Variants in KYNU observed in about 807,000 individuals in gnomAD.
KYNU encodes L-kynurenine hydrolase.
Under a neutral mutation model 59.2 loss-of-function variants are expected in KYNU, and 54 were observed. That is an observed-to-expected ratio of 0.91 (90% CI 0.73 to 1.14). The LOEUF is 1.14. Ranked by LOEUF, KYNU falls within the 50% of genes most tolerant of loss-of-function variation. The pLI is 0.00. For missense variants in KYNU, 567 were observed against 554.4 expected (o/e 1.02, Z -0.23); for synonymous variants, 177 against 192.0 (o/e 0.92, Z 0.65).
At chr2:143,026,689 C>T (rs924641765) in intron 10 of KYNU, among the ~76,000 whole-genome samples, 1 of 152,214 alleles carries the variant, frequency 6.6e-6, no homozygotes, top group Non-Finnish European at 1.5e-5. Flanking sequence ...GGGGTGCCTG[C>T]GACTCTCAGA....
chr2:142,960,534 A>G, intron 7 of KYNU, 90 bp from the exon 8 acceptor site: 1 of 1,253,142 alleles, frequency 8.0e-7, no homozygotes, highest in East Asian at 2.4e-5. Context: ...TTATAATGCA[A>G]AAGGGCTCAC....
intron 2 of KYNU, among the ~76,000 whole-genome samples, chr2:142,892,200 G>A (rs866792061): frequency 1.3e-5 from 2 of 152,220 alleles, no homozygotes; most frequent in African/African-American, 4.8e-5. Context: ...GGCGTCAGCC[G>A]CCATGCCTGG....
rs869099302 is a variant in KYNU, at chr2:142,881,916, C to CTT, written c.-19-3415_-19-3414dup. Among the ~76,000 whole-genome samples, 688 of 113,152 alleles carry CTT rather than the reference C, an allele frequency of 6.1e-3. 7 individuals are homozygous for CTT. The highest frequency in any genetic ancestry group is 0.022 in the African/African-American group (638 of 29,468). 74.2% of individuals were successfully genotyped at this position (113,152 alleles called of 152,430 possible). On this transcript the variant is annotated intron_variant, in intron 1 of 13. Coordinates refer to ENST00000264170, the MANE Select transcript of KYNU (RefSeq NM_003937.3). ...ACACCTGGCTTTTCTTTTCTTTTTT[C>CTT]TTTTTTTTTTTTTTTTTTTGTAGAG...
chr2:143,001,101 C>G (rs768559559), intron 10 of KYNU, among the ~76,000 whole-genome samples: 43 of 152,050 alleles, frequency 2.8e-4, no homozygotes, highest in Non-Finnish European at 7.4e-5. Flanking sequence ...TCTCTTCATT[C>G]TTTCTATCTC....
chr2:142,940,399 CA>C (rs1683559086), intron 4 of KYNU, among the ~76,000 whole-genome samples: 1 of 152,128 alleles, frequency 6.6e-6, no homozygotes, highest in Admixed American at 6.5e-5. Context: ...TGATATTATT[CA>C]GTGAGATTTA....
intron 2 of KYNU, among the ~76,000 whole-genome samples, chr2:142,907,730 C>A (rs981101367): frequency 6.6e-6 from 1 of 152,160 alleles, no homozygotes; most frequent in Non-Finnish European, 1.5e-5. Flanking sequence ...TATTTCTTTA[C>A]CTCCTTCTTT....
At chr2:142,956,798 T>G (rs1228190854) in intron 6 of KYNU, among the ~76,000 whole-genome samples, 1 of 152,106 alleles carries the variant, frequency 6.6e-6, no homozygotes, top group African/African-American at 2.4e-5. Flanking sequence ...ATGAGTTGTT[T>G]ATTCTTACTT....
At chr2:142,997,482 G>A (rs352873) in intron 10 of KYNU, among the ~76,000 whole-genome samples, 26,859 of 152,022 alleles carry the variant, frequency 0.18, 3,039 homozygotes, top group African/African-American at 0.31. Context: ...TAAAGCCAAG[G>A]AAACAGTAAG....
At chr2:142,974,151 G>C (rs555590991) in intron 8 of KYNU, among the ~76,000 whole-genome samples, 1 of 152,318 alleles carries the variant, frequency 6.6e-6, no homozygotes, top group African/African-American at 2.4e-5. Flanking sequence ...CCAAGGATAA[G>C]TACATGCCCA....
Position 142,956,254 on chromosome 2 carries a change from A to G in KYNU, c.487A>G (p.Lys163Glu), listed in dbSNP as rs1684161522. 6.2e-7 allele frequency: 1 copy of G among 1,602,604 alleles called. No individual in the cohort carries two copies. The highest frequency in any genetic ancestry group is 8.5e-7 in the Non-Finnish European group (1 of 1,170,136). Residue 163 changes from lysine (K) to glutamate (E), a missense_variant, in exon 6 of 14, where the codon AAA becomes GAA. Transcript: ENST00000264170. ...ACGATATAAAATTCTTCTAGAAGCC[A>G]AAGCCTTCCCTTCTGATCATGTAAG... Reference protein sequence around the residue: ...PKRYKILLEAKAFPSDHYAIE... With the variant: ...PKRYKILLEAEAFPSDHYAIE...
chr2:142,956,061 G>T, intron 5 of KYNU, 142 bp from the exon 6 acceptor site: 1 of 559,164 alleles, frequency 1.8e-6, no homozygotes, highest in Admixed American at 3.2e-5. Flanking sequence ...TAATTGAAAA[G>T]GTAGTCCTGA....
intron 10 of KYNU, among the ~76,000 whole-genome samples, chr2:143,022,562 C>G (rs953228593): frequency 4.0e-5 from 6 of 151,776 alleles, no homozygotes; most frequent in African/African-American, 9.7e-5. Context: ...TTTTTGTTTT[C>G]TATGCACTGA....
At chr2:143,031,195 G>T (rs1210386805) in intron 11 of KYNU, among the ~76,000 whole-genome samples, 1 of 152,094 alleles carries the variant, frequency 6.6e-6, no homozygotes, top group African/African-American at 2.4e-5. Context: ...AATTAGATCT[G>T]TTATTATACC....
intron 4 of KYNU, among the ~76,000 whole-genome samples, chr2:142,929,800 G>C (rs1026009745): frequency 6.6e-5 from 10 of 152,182 alleles, no homozygotes; most frequent in East Asian, 5.8e-4. Context: ...GGAAGATAAG[G>C]GGTGATGAAA....
intron 2 of KYNU, among the ~76,000 whole-genome samples, chr2:142,895,389 A>C (rs920222970): frequency 1.3e-5 from 2 of 152,214 alleles, no homozygotes; most frequent in South Asian, 4.1e-4. Context: ...TACTGTATTT[A>C]GTCTTTGGAG....
intron 4 of KYNU, among the ~76,000 whole-genome samples, chr2:142,951,526 ATGAAG>A (rs1376765758): frequency 2.6e-5 from 4 of 152,222 alleles, no homozygotes; most frequent in Admixed American, 2.6e-4. Flanking sequence ...ACAAAAAACA[ATGAAG>A]TGAAGAGCAA....
intron 8 of KYNU, among the ~76,000 whole-genome samples, chr2:142,966,729 T>C (rs1221578523): frequency 6.6e-6 from 1 of 152,122 alleles, no homozygotes; most frequent in African/African-American, 2.4e-5. Flanking sequence ...ATTAGGAAAA[T>C]AATCGTGCCA....
At chr2:142,987,368 C>T (rs539810963) in intron 10 of KYNU, among the ~76,000 whole-genome samples, 37 of 151,954 alleles carry the variant, frequency 2.4e-4, no homozygotes, top group African/African-American at 7.2e-4. Context: ...TGTCAGTGTT[C>T]GGAGTTAAGC....
intron 10 of KYNU, among the ~76,000 whole-genome samples, chr2:143,013,623 A>G (rs534957705): frequency 1.6e-4 from 25 of 152,334 alleles, no homozygotes; most frequent in African/African-American, 6.0e-4. Context: ...ATTTAATTCT[A>G]TCCTGAACCC....
Sources: gnomAD v4.1 joint callset for allele counts (sites outside exome capture counted in the v4.1 genomes callset) on GRCh38, gnomAD v4.1.1 for gene constraint, MANE v1.5 for transcripts, NCBI Gene and HGNC (gene_info 2026-07-23, HGNC 2026-07-21) for gene names.